DONSON: variants seen among roughly 807,000 people sequenced by gnomAD.
The protein encoded by DONSON is protein downstream neighbor of Son.
Under a neutral mutation model 62.1 loss-of-function variants are expected in DONSON, and 43 were observed. That is an observed-to-expected ratio of 0.69 (90% CI 0.54 to 0.89). The LOEUF (loss-of-function observed/expected upper bound fraction) is 0.89, where lower values mean the gene tolerates loss of function less well. DONSON is among the 40% of genes least tolerant of loss of function. DONSON has a pLI of 0.00. For missense variants in DONSON, 696 were observed against 697.5 expected (o/e 1.00, Z 0.03); for synonymous variants, 266 against 264.6 (o/e 1.01, Z -0.05).
chr21:33,581,246 TTATCC>T (rs903000668), intron 8 of DONSON, 51 bp downstream of exon 8: 40 of 1,494,902 alleles, frequency 2.7e-5, no homozygotes, highest in Non-Finnish European at 3.5e-5. Context: ...AATCAAGAAT[TTATCC>T]TATCAAAGTA....
Position 33,581,227 on chromosome 21 carries a change from T to A in DONSON, c.1350+75A>T, listed in dbSNP as rs1055759560. On this transcript the variant is annotated intron_variant, in intron 8 of 9. Transcript: ENST00000303071. ...GTACCAAGTAAAAATGCTAGGAGGT[T>A]TTTTTTTAAATCAAGAATTTATCCT... 5.8e-6 allele frequency: 8 copies of A among 1,390,618 alleles called. No homozygotes were observed. In the African/African-American group the frequency reaches 1.0e-4, roughly 18 times the overall value. The allele number at this position is 1,390,618 out of a possible 1,614,324, so 86.1% of individuals were successfully genotyped here. A position where few individuals can be genotyped will look rare whatever the true frequency, so the allele number is the denominator to read the frequency against.
chr21:33,586,632 G>T (rs534025277), intron 2 of DONSON, among the ~76,000 whole-genome samples: 2 of 151,936 alleles, frequency 1.3e-5, no homozygotes, highest in Non-Finnish European at 2.9e-5. Flanking sequence ...CACAATACAA[G>T]AATTTTTTTT....
Position 33,578,169 on chromosome 21 carries a change from A to G in DONSON, c.*138T>C. 1.1e-6 allele frequency: 1 copy of G among 893,352 alleles called. No homozygotes were observed. Among genetic ancestry groups the G allele is most frequent in the Non-Finnish European group, 1.6e-6 (1 of 616,574 alleles). The allele number at this position is 893,352 out of a possible 1,614,324, so 55.3% of individuals were successfully genotyped here. ...ATCTAATCTGAAAATAGTAAAACAC[A>G]TTTAAAACCTTAGATGCTACTGTAG... is the stretch of plus-strand genomic sequence containing the variant. On this transcript the variant is annotated 3_prime_UTR_variant, in exon 10 of 10. Transcript: ENST00000303071.
At chr21:33,579,136 CAAAAAAAAA>C (rs879477732) in intron 9 of DONSON, among the ~76,000 whole-genome samples, 1 of 132,710 alleles carries the variant, frequency 7.5e-6, no homozygotes, top group Non-Finnish European at 1.6e-5. Context: ...GACTCCATCT[CAAAAAAAAA>C]AAAAAATTGT....
chr21:33,585,673 CTTTCTTTG>C (rs1226585425), intron 3 of DONSON, among the ~76,000 whole-genome samples: 4 of 150,298 alleles, frequency 2.7e-5, no homozygotes, highest in African/African-American at 7.5e-5. Context: ...CTTTTCACTT[CTTTCTTTG>C]TATTTTCTTT....
At position 33,586,162 on chromosome 21, in the gene DONSON, G is replaced by C; in HGVS notation, c.422C>G (p.Ser141Cys). The change falls in exon 3 of 10, where the codon TCC (serine) becomes TGC (cysteine). Residue 141 changes from serine to cysteine, a missense_variant. Transcript: ENST00000303071. ...ELPQTSHVSF[S>C]EPDIPSSKST... ...TTTTGAGGACGGAATATCAGGCTCG[G>C]AGAATGATACATGTGAAGTCTTTAG... 6.2e-7 allele frequency: 1 copy of C among 1,614,132 alleles called. No individual in the cohort carries two copies.
At chr21:33,581,755 G>A (rs984904880) in intron 7 of DONSON, among the ~76,000 whole-genome samples, 196 bp downstream of exon 7, 2 of 152,104 alleles carry the variant, frequency 1.3e-5, no homozygotes, top group Non-Finnish European at 2.9e-5. Flanking sequence ...ATAATTGAAC[G>A]TTTTGATTAA....
chr21:33,577,785 A>G lies in DONSON; in HGVS notation c.*522T>C, dbSNP rs766987443. The G allele has an allele frequency of 6.5e-6, 1 of 153,084 alleles. No individual in the cohort carries two copies. Among genetic ancestry groups the G allele is most frequent in the African/African-American group, 2.4e-5 (1 of 41,428 alleles). The allele number at this position is 153,084 out of a possible 1,614,324, so 9.5% of individuals were successfully genotyped here. On this transcript the variant is annotated 3_prime_UTR_variant, in exon 10 of 10. Transcript: ENST00000303071. ...TTAACACTATTCTATGTGGAATACA[A>G]AATGCCTTTTTATCTGAATTAACAT...
intron 8 of DONSON, among the ~76,000 whole-genome samples, chr21:33,580,015 T>C (rs1278311567): frequency 6.6e-6 from 1 of 151,568 alleles, no homozygotes; most frequent in Non-Finnish European, 1.5e-5. Flanking sequence ...GCCAACATGG[T>C]GAAACCTCGT....
In DONSON at chr21:33,579,426, A is replaced by G. The variant is rs762311856; in HGVS notation, c.1487T>C (p.Phe496Ser). Reference sequence around the variant, plus strand: ...CTCGTGTGGATACAGTACTGCAGAGAAAGATCCACTCTGTGAAGATTTGAG... The same window carrying G: ...CTCGTGTGGATACAGTACTGCAGAGGAAGATCCACTCTGTGAAGATTTGAG... Reference protein sequence around the residue: ...MLLKSSQSGSFSAVLYPHEPT... With the variant: ...MLLKSSQSGSSSAVLYPHEPT... Residue 496 changes from phenylalanine (F) to serine (S), a missense_variant, in exon 9 of 10, where the codon TTC becomes TCC. Coordinates refer to ENST00000303071, the MANE Select transcript of DONSON (RefSeq NM_017613.4). 6.2e-7 allele frequency: 1 copy of G among 1,614,060 alleles called. No homozygotes were observed.
Position 33,578,263 on chromosome 21 carries a change from A to T in DONSON, c.*44T>A, listed in dbSNP as rs767431054. The T allele has an allele frequency of 6.3e-7, 1 of 1,585,310 alleles. No homozygotes were observed. Among genetic ancestry groups the T allele is most frequent in the Non-Finnish European group, 8.6e-7 (1 of 1,164,692 alleles). The stretch of plus-strand genomic sequence containing the variant: ...CAAGAATCTTGAATTTCCTTGCTAG[A>T]AGGCTTTTTTCCTCAAAGATTCCTT... On this transcript the variant is annotated 3_prime_UTR_variant, in exon 10 of 10. Transcript: ENST00000303071.
chr21:33,581,632 C>A, intron 7 of DONSON, 132 bp from the exon 8 acceptor site: 1 of 780,620 alleles, frequency 1.3e-6, no homozygotes, highest in Admixed American at 2.9e-5. Context: ...CCTCTCTTTA[C>A]CGAATCATAA....
In DONSON at chr21:33,580,060, G is replaced by C. The variant is rs545291809; in HGVS notation, c.1351-498C>G. Among the ~76,000 whole-genome samples the C allele has an allele frequency of 1.2e-4, 18 of 151,862 alleles. No homozygotes were observed. In the South Asian group the frequency reaches 3.5e-3, roughly 30 times the overall value. ...AAATACAAAAAAATTAGCCAGGCAT[G>C]GTGGTGTGAGCCTATAGTCCCAGCT... On this transcript the variant is annotated intron_variant, in intron 8 of 9. Transcript: ENST00000303071.
At chr21:33,583,221 A>AAAAAAAAAAAAAAAAAAAAAAAAAAAC (rs1355056405) in intron 5 of DONSON, among the ~76,000 whole-genome samples, 1 of 134,768 alleles carries the variant, frequency 7.4e-6, no homozygotes, top group Admixed American at 7.7e-5. Context: ...AAAAAAAAAA[A>AAAAAAAAAAAAAAAAAAAAAAAAAAAC]AAAAGAATGA....
rs1274766539 is a variant in DONSON, at chr21:33,577,571, T to C, written c.*736A>G. 3 of 151,374 alleles carry C rather than the reference T, an allele frequency of 2.0e-5. No individual in the cohort carries two copies. The highest frequency in any genetic ancestry group is 7.3e-5 in the African/African-American group (3 of 40,984). The allele number at this position is 151,374 out of a possible 1,614,324, so 9.4% of individuals were successfully genotyped here. The stretch of plus-strand genomic sequence containing the variant: ...AATGCTTTTGATTTTTAAGCACTTT[T>C]ATTTTAAAAATGTGAATTATACAGT... On this transcript the variant is annotated 3_prime_UTR_variant, in exon 10 of 10. Coordinates refer to ENST00000303071, the MANE Select transcript of DONSON (RefSeq NM_017613.4).
chr21:33,579,729 TA>T, intron 8 of DONSON, 167 bp from the exon 9 acceptor site: 1 of 543,714 alleles, frequency 1.8e-6, no homozygotes, highest in Non-Finnish European at 3.2e-6. Context: ...TACAAATACT[TA>T]GTAAATTTTC....
rs2086431838 is a variant in DONSON at position 33,577,601 on chromosome 21, CCCTACACACACACACA to C, written c.*690_*705del. 8.9e-6 allele frequency: 1 copy of C among 111,748 alleles called. No homozygotes were observed. The highest frequency in any genetic ancestry group is 1.1e-4 in the Admixed American group (1 of 9,494). 6.9% of individuals were successfully genotyped at this position (111,748 alleles called of 1,614,324 possible). On this transcript the variant is annotated 3_prime_UTR_variant, in exon 10 of 10. Transcript: ENST00000303071. ...TAAAAATGTGAATTATACAGTCCCCCCCTACACACACACACACACACACACACACACACACACACAC... is the reference window on the plus strand; with the variant it reads ...TAAAAATGTGAATTATACAGTCCCCCCACACACACACACACACACACACAC...
rs1393861776 is a variant in DONSON at position 33,587,572 on chromosome 21, G to A, written c.352C>T (p.Leu118=). 1.9e-6 allele frequency: 3 copies of A among 1,596,858 alleles called. No individual in the cohort carries two copies. The highest frequency in any genetic ancestry group is 2.6e-6 in the Non-Finnish European group (3 of 1,174,310). The stretch of plus-strand genomic sequence containing the variant: ...CTTTCAGGAAACTTCTCTTCCCATA[G>A]CAAATCATTTTCTTGATTAGAATCT... ...FLDSNQENDL[L]WEEKFPERTT... is the part of the protein sequence containing the mutation. The change falls in exon 2 of 10, where the codon CTA becomes TTA. Residue 118 remains leucine (L), a synonymous_variant. Coordinates refer to ENST00000303071, the MANE Select transcript of DONSON (RefSeq NM_017613.4).
chr21:33,582,168 C>T lies in DONSON; in HGVS notation c.1043G>A (p.Gly348Glu), dbSNP rs887928187. The change falls in exon 6 of 10, where the codon GGG becomes GAG. Residue 348 changes from glycine (G) to glutamate (E), a missense_variant. Physicochemically the swap from Gly to Glu is moderately conservative, Grantham distance 98. Transcript: ENST00000303071. ...ETASGTSLGY[G>E]EEQAISDEDE... ...TAAAGTTATTTTAATCACATACTCC[C>T]CATATCCCAAGCTTGTTCCAGATGC... The T allele has an allele frequency of 1.9e-6, 3 of 1,613,942 alleles. No individual in the cohort carries two copies. The highest frequency in any genetic ancestry group is 2.5e-6 in the Non-Finnish European group (3 of 1,179,872).
Sources: gnomAD v4.1 joint callset for allele counts (sites outside exome capture counted in the v4.1 genomes callset) on GRCh38, gnomAD v4.1.1 for gene constraint, MANE v1.5 for transcripts, NCBI Gene and HGNC (gene_info 2026-07-23, HGNC 2026-07-21) for gene names.